CADM4: variants seen among roughly 807,000 people sequenced by gnomAD.
The protein encoded by CADM4 is cell adhesion molecule 4, also known as TSLC1-like 2.
A neutral mutation model predicts 43.9 loss-of-function variants in CADM4; 13 were observed. The observed-to-expected ratio is 0.30, with a 90% CI of 0.19 to 0.47. The LOEUF is 0.47. Ranked by LOEUF, CADM4 falls within the 20% of genes least tolerant of loss-of-function variation. CADM4 has a pLI of 1.00. For synonymous variants in CADM4, 209 were observed against 220.9 expected, an observed-to-expected ratio of 0.95 and a Z score of 0.48; for missense variants, 420 against 527.0, an observed-to-expected ratio of 0.80 and a Z score of 1.99.
In CADM4 at chr19:43,626,292, C is replaced by T. The variant is rs190397616; in HGVS notation, c.500-4G>A. 19 of 1,609,916 alleles carry T rather than the reference C, an allele frequency of 1.2e-5. No individual in the cohort carries two copies. The East Asian group carries it at 4.0e-4, about 34-fold the overall frequency. ...TTTTCCTGGCTGCTGCTCACTCCTGCCACACCCCGGTCAGACACTGTCAGG... is the reference window on the plus strand; with the variant it reads ...TTTTCCTGGCTGCTGCTCACTCCTGTCACACCCCGGTCAGACACTGTCAGG... On this transcript the variant is annotated splice_region_variant and splice_polypyrimidine_tract_variant and intron_variant, in intron 4 of 8. Transcript: ENST00000222374. The surrounding 1 kb of genome is among the most constrained non-coding windows in gnomAD (Gnocchi z 5.9).
chr19:43,630,516 C>T (rs1388395658), intron 1 of CADM4, among the ~76,000 whole-genome samples: 2 of 149,736 alleles, frequency 1.3e-5, no homozygotes, highest in African/African-American at 4.9e-5. Context: ...GAACTCCTGA[C>T]CTCGTGATCC....
rs1163696819 is a variant in CADM4 at position 43,623,940 on chromosome 19, C to T, written c.1057+174G>A. Reference sequence around the variant, plus strand: ...TTAATTCAGCTTCTAAATTCTACCCCTTTTCGAGTATTGTGCCGAAAGCCC... The same window carrying T: ...TTAATTCAGCTTCTAAATTCTACCCTTTTTCGAGTATTGTGCCGAAAGCCC... On this transcript the variant is annotated intron_variant, in intron 8 of 8. Transcript: ENST00000222374. The surrounding 1 kb of genome is among the most constrained non-coding windows in gnomAD (Gnocchi z 4.4). Among the ~76,000 whole-genome samples, 1 of 152,198 alleles carries T rather than the reference C, an allele frequency of 6.6e-6. No individual in the cohort carries two copies. Among genetic ancestry groups the T allele is most frequent in the African/African-American group, 2.4e-5 (1 of 41,462 alleles).
chr19:43,631,393 A>C (rs941558216), intron 1 of CADM4, among the ~76,000 whole-genome samples: 1 of 152,048 alleles, frequency 6.6e-6, no homozygotes, highest in African/African-American at 2.4e-5. Flanking sequence ...TGTTTTCTGT[A>C]AGAGGGTAGG....
chr19:43,639,049 AAGAC>A (rs1489515766), intron 1 of CADM4, among the ~76,000 whole-genome samples: 2 of 151,994 alleles, frequency 1.3e-5, no homozygotes, highest in Admixed American at 6.5e-5. Flanking sequence ...GAGTGACAGA[AAGAC>A]AGGGGACAGA....
Position 43,626,318 on chromosome 19 carries a change from C to T in CADM4, c.500-30G>A. 1 of 1,602,666 alleles carries T rather than the reference C, an allele frequency of 6.2e-7. No individual in the cohort carries two copies. The highest frequency in any genetic ancestry group is 1.1e-5 in the South Asian group (1 of 90,948). Reference sequence around the variant, plus strand: ...CACACCCCGGTCAGACACTGTCAGGCCACAATTCCGGCTCCATCCACCCAC... The same window carrying T: ...CACACCCCGGTCAGACACTGTCAGGTCACAATTCCGGCTCCATCCACCCAC... On this transcript the variant is annotated intron_variant, in intron 4 of 8. Transcript: ENST00000222374. The surrounding 1 kb of genome is among the most constrained non-coding windows in gnomAD (Gnocchi z 5.9).
At position 43,626,580 on chromosome 19, in the gene CADM4, G is replaced by T. The variant is rs555483520; in HGVS notation, c.499+204C>A. Reference sequence around the variant, plus strand: ...GACAGGGTCTCACAATGTTGGGCAGGTTGAACTCCTGACCTCAAGCAATCC... The same window carrying T: ...GACAGGGTCTCACAATGTTGGGCAGTTTGAACTCCTGACCTCAAGCAATCC... On this transcript the variant is annotated intron_variant, in intron 4 of 8. Coordinates refer to ENST00000222374, the MANE Select transcript of CADM4 (RefSeq NM_145296.2). The surrounding 1 kb of genome is among the most constrained non-coding windows in gnomAD (Gnocchi z 5.9). Among the ~76,000 whole-genome samples the T allele has an allele frequency of 9.9e-5, 15 of 152,252 alleles. No homozygotes were observed. The South Asian group carries it at 1.9e-3, about 19-fold the overall frequency.
intron 1 of CADM4, among the ~76,000 whole-genome samples, chr19:43,633,708 T>C (rs1386678234): frequency 6.6e-6 from 1 of 151,812 alleles, no homozygotes; most frequent in South Asian, 2.1e-4. Flanking sequence ...TGAGATAAGG[T>C]CTCGCTCTGT....
upstream of CADM4, among the ~76,000 whole-genome samples, chr19:43,640,560 C>A (rs1393293888): frequency 2.0e-5 from 3 of 152,014 alleles, no homozygotes. Context: ...CCGCGTCATT[C>A]TCCGGGAGGG....
At chr19:43,630,912 G>C (rs1023850071) in intron 1 of CADM4, among the ~76,000 whole-genome samples, 5 of 152,180 alleles carry the variant, frequency 3.3e-5, no homozygotes, top group African/African-American at 1.2e-4. Flanking sequence ...TTTACATTCA[G>C]GTGCTGGGTT....
In CADM4 at chr19:43,623,971, C is replaced by G; in HGVS notation, c.1057+143G>C. 2.0e-6 allele frequency: 2 copies of G among 992,370 alleles called. No individual in the cohort carries two copies. The highest frequency in any genetic ancestry group is 3.0e-6 in the Non-Finnish European group (2 of 668,108). The allele number at this position is 992,370 out of a possible 1,614,324, so 61.5% of individuals were successfully genotyped here. ...GAGTATTGTGCCGAAAGCCCCGCCCCCTTTGTCATCTCCGCCCCCGGTGCG... is the reference window on the plus strand; with the variant it reads ...GAGTATTGTGCCGAAAGCCCCGCCCGCTTTGTCATCTCCGCCCCCGGTGCG... On this transcript the variant is annotated intron_variant, in intron 8 of 8. Coordinates refer to ENST00000222374, the MANE Select transcript of CADM4 (RefSeq NM_145296.2). This position sits in a 1 kb window ranked among gnomAD's most constrained non-coding sequence, Gnocchi z 4.4.
rs1973541850 is a variant in CADM4 at position 43,627,126 on chromosome 19, A to G, written c.364+40T>C. 1.3e-6 allele frequency: 2 copies of G among 1,527,114 alleles called. No homozygotes were observed. The highest frequency in any genetic ancestry group is 4.7e-5 in the East Asian group (2 of 42,994). 94.6% of individuals were successfully genotyped at this position (1,527,114 alleles called of 1,614,324 possible). A position where few individuals can be genotyped will look rare whatever the true frequency, so the allele number is the denominator to read the frequency against. ...CAGGAGAAGAGAGAAGCAGAGAAGA[A>G]AGGAGGAGAGGATGCGTCTGACAAG... is the stretch of plus-strand genomic sequence containing the variant. On this transcript the variant is annotated intron_variant, in intron 3 of 8. Transcript: ENST00000222374. This position sits in a 1 kb window ranked among gnomAD's most constrained non-coding sequence, Gnocchi z 4.0.
At chr19:43,637,818 G>A (rs1023725025) in intron 1 of CADM4, among the ~76,000 whole-genome samples, 4 of 152,234 alleles carry the variant, frequency 2.6e-5, no homozygotes, top group Admixed American at 1.3e-4. Context: ...AAGATTTCAC[G>A]ATTTTTAAGA....
chr19:43,624,100 C>T lies in CADM4; in HGVS notation c.1057+14G>A. On this transcript the variant is annotated intron_variant, in intron 8 of 8. Coordinates refer to ENST00000222374, the MANE Select transcript of CADM4 (RefSeq NM_145296.2). ...AACCAACCAACCGTAGAGTCCAGGC[C>T]CCGTCCCACTCACCCTTCTGCCGTA... 1 of 1,614,076 alleles carries T rather than the reference C, an allele frequency of 6.2e-7. No individual in the cohort carries two copies. The highest frequency in any genetic ancestry group is 1.3e-5 in the African/African-American group (1 of 75,046).
rs961152103 is a variant in CADM4, at chr19:43,623,125, C to G, written c.*205G>C. ...CTTTGGCCCCTGCCCCCTGGGGGAC[C>G]CAGACCTCTGGGCCCTCACTTCTGG... On this transcript the variant is annotated 3_prime_UTR_variant, in exon 9 of 9. Coordinates refer to ENST00000222374, the MANE Select transcript of CADM4 (RefSeq NM_145296.2). The surrounding 1 kb of genome is among the most constrained non-coding windows in gnomAD (Gnocchi z 4.4). The G allele has an allele frequency of 6.9e-6, 4 of 576,236 alleles. No homozygotes were observed. The highest frequency in any genetic ancestry group is 1.9e-5 in the African/African-American group (1 of 53,168). 35.7% of individuals were successfully genotyped at this position (576,236 alleles called of 1,614,324 possible).
chr19:43,636,000 C>G (rs1973699110), intron 1 of CADM4, among the ~76,000 whole-genome samples: 1 of 147,856 alleles, frequency 6.8e-6, no homozygotes, highest in East Asian at 2.1e-4. Context: ...ACCCATTAGT[C>G]CAGGCCCCCA....
At chr19:43,636,421 C>A (rs552021064) in intron 1 of CADM4, among the ~76,000 whole-genome samples, 1 of 152,260 alleles carries the variant, frequency 6.6e-6, no homozygotes, top group South Asian at 2.1e-4. Flanking sequence ...CCTCTATTCA[C>A]CCCCTCTTCC....
At chr19:43,636,402 G>A (rs1178793700) in intron 1 of CADM4, among the ~76,000 whole-genome samples, 3 of 152,072 alleles carry the variant, frequency 2.0e-5, no homozygotes, top group Non-Finnish European at 2.9e-5. Context: ...GAACCTCCAC[G>A]CCCAGTGCCC....
chr19:43,626,323 A>G lies in CADM4; in HGVS notation c.500-35T>C, dbSNP rs369568395. On this transcript the variant is annotated intron_variant, in intron 4 of 8. Coordinates refer to ENST00000222374, the MANE Select transcript of CADM4 (RefSeq NM_145296.2). This position sits in a 1 kb window ranked among gnomAD's most constrained non-coding sequence, Gnocchi z 5.9. ...CCCGGTCAGACACTGTCAGGCCACAATTCCGGCTCCATCCACCCACCCACC... is the reference window on the plus strand; with the variant it reads ...CCCGGTCAGACACTGTCAGGCCACAGTTCCGGCTCCATCCACCCACCCACC... The G allele has an allele frequency of 1.0e-5, 16 of 1,598,686 alleles. No individual in the cohort carries two copies. Among genetic ancestry groups the G allele is most frequent in the African/African-American group, 5.4e-5 (4 of 74,656 alleles).
rs1973481783 is a variant in CADM4, at chr19:43,623,984, C to T, written c.1057+130G>A. ...AAAGCCCCGCCCCCTTTGTCATCTC[C>T]GCCCCCGGTGCGGCGGGATTTGGAA... On this transcript the variant is annotated intron_variant, in intron 8 of 8. Coordinates refer to ENST00000222374, the MANE Select transcript of CADM4 (RefSeq NM_145296.2). The surrounding 1 kb of genome is among the most constrained non-coding windows in gnomAD (Gnocchi z 4.4). 2 of 1,158,980 alleles carry T rather than the reference C, an allele frequency of 1.7e-6. No individual in the cohort carries two copies. Among genetic ancestry groups the T allele is most frequent in the Non-Finnish European group, 2.5e-6 (2 of 814,514 alleles). 71.8% of individuals were successfully genotyped at this position (1,158,980 alleles called of 1,614,324 possible).
Sources: gnomAD v4.1 joint callset for allele counts (sites outside exome capture counted in the v4.1 genomes callset) on GRCh38, gnomAD v4.1.1 for gene constraint, Gnocchi (gnomAD v3.1) non-coding constraint, MANE v1.5 for transcripts, NCBI Gene and HGNC (gene_info 2026-07-23, HGNC 2026-07-21) for gene names.